UCK2: variants seen among roughly 807,000 people sequenced by gnomAD.
UCK2 encodes uridine-cytidine kinase 2, also known as cytidine monophosphokinase 2.
Under a neutral mutation model 30.8 loss-of-function variants are expected in UCK2, and 6 were observed. That is an observed-to-expected ratio of 0.19 (90% CI 0.11 to 0.38). The LOEUF (loss-of-function observed/expected upper bound fraction) is 0.38, where lower values mean the gene tolerates loss of function less well. Ranked by LOEUF, UCK2 falls within the 10% of genes least tolerant of loss-of-function variation. The pLI, the probability that UCK2 is intolerant of heterozygous loss-of-function variation, is 1.00. For missense variants in UCK2, 210 were observed against 339.8 expected (o/e 0.62, Z 3.00); for synonymous variants, 125 against 133.6 (o/e 0.94, Z 0.45).
At chr1:165,854,507 A>G (rs1465803893) in intron 1 of UCK2, among the ~76,000 whole-genome samples, 2 of 152,046 alleles carry the variant, frequency 1.3e-5, no homozygotes, top group Non-Finnish European at 2.9e-5. Context: ...CAGCCTGACC[A>G]GTGTAGTAGG....
At chr1:165,891,036 A>C (rs762308911) in intron 2 of UCK2, 190 bp from the exon 3 acceptor site, 23 of 567,654 alleles carry the variant, frequency 4.1e-5, no homozygotes, top group African/African-American at 5.7e-5. Flanking sequence ...GAACTCATTT[A>C]TACACCCTAT....
rs111693322 is a variant in UCK2, at chr1:165,830,525, C to G, written c.99+2593C>G. ...TATTTTCAGTAAACACGGAGTTTCA[C>G]TGTGTTAGCCAGGATGGTCTCAATC... On this transcript the variant is annotated intron_variant, in intron 1 of 6. Coordinates refer to ENST00000367879, the MANE Select transcript of UCK2 (RefSeq NM_012474.5). Among the ~76,000 whole-genome samples the G allele has an allele frequency of 1.2e-3, 178 of 151,488 alleles. 1 individual carries two copies. The highest frequency in any genetic ancestry group is 4.3e-3 in the African/African-American group (177 of 41,278).
At chr1:165,838,147 G>C (rs1654240509) in intron 1 of UCK2, among the ~76,000 whole-genome samples, 1 of 152,178 alleles carries the variant, frequency 6.6e-6, no homozygotes, top group Admixed American at 6.5e-5. Context: ...CCACTCCTTT[G>C]CTTCTACCCT....
intron 1 of UCK2, among the ~76,000 whole-genome samples, chr1:165,862,304 C>A (rs1367407401): frequency 2.0e-5 from 3 of 152,184 alleles, no homozygotes; most frequent in African/African-American, 7.2e-5. Context: ...AGCAAAGTTG[C>A]TCTTGGTAGG....
At chr1:165,896,894 C>G (rs1015747380) in intron 4 of UCK2, among the ~76,000 whole-genome samples, 1 of 152,246 alleles carries the variant, frequency 6.6e-6, no homozygotes, top group Admixed American at 6.5e-5. Context: ...TGCTAAGTCC[C>G]TGTGCTTGTG....
chr1:165,903,400 C>G (rs1354824079), intron 5 of UCK2, 121 bp downstream of exon 5: 1 of 817,784 alleles, frequency 1.2e-6, no homozygotes, highest in Non-Finnish European at 1.9e-6. Flanking sequence ...TCTGAGTGAT[C>G]CTCTGTCCTG....
At chr1:165,839,957 G>T (rs1409248804) in intron 1 of UCK2, among the ~76,000 whole-genome samples, 1 of 152,172 alleles carries the variant, frequency 6.6e-6, no homozygotes, top group Non-Finnish European at 1.5e-5. Context: ...ACAGAGTCCT[G>T]CTGTGCTGCC....
chr1:165,891,618 A>G (rs1483175984), intron 3 of UCK2: 2 of 324,942 alleles, frequency 6.2e-6, no homozygotes, highest in African/African-American at 4.2e-5. Context: ...TCTGATCCAC[A>G]TTCCAGTGCT....
At chr1:165,905,529 T>G (rs999807232) in intron 5 of UCK2, among the ~76,000 whole-genome samples, 1 of 152,036 alleles carries the variant, frequency 6.6e-6, no homozygotes, top group Non-Finnish European at 1.5e-5. Flanking sequence ...AAAGCTAAAT[T>G]CTTGTAATGT....
intron 1 of UCK2, among the ~76,000 whole-genome samples, chr1:165,877,626 A>C (rs887246004): frequency 2.6e-5 from 4 of 152,216 alleles, no homozygotes; most frequent in Admixed American, 6.5e-5. Flanking sequence ...GTAATAGTCC[A>C]TTGTATGGAT....
chr1:165,865,040 A>T (rs1399361996), intron 1 of UCK2, among the ~76,000 whole-genome samples: 2 of 152,108 alleles, frequency 1.3e-5, no homozygotes, highest in Non-Finnish European at 2.9e-5. Flanking sequence ...TGGTAACTTA[A>T]TGTATACTGA....
At chr1:165,837,123 A>G (rs1654214784) in intron 1 of UCK2, among the ~76,000 whole-genome samples, 2 of 152,164 alleles carry the variant, frequency 1.3e-5, no homozygotes, top group South Asian at 4.1e-4. Context: ...AACACCTCCC[A>G]TCAGGCCCCA....
Position 165,827,840 on chromosome 1 carries a change from G to A in UCK2, c.7G>A (p.Gly3Arg). 1 of 1,456,662 alleles carries A rather than the reference G, an allele frequency of 6.9e-7. No homozygotes were observed. The highest frequency in any genetic ancestry group is 9.1e-7 in the Non-Finnish European group (1 of 1,096,168). The allele number at this position is 1,456,662 out of a possible 1,614,324, so 90.2% of individuals were successfully genotyped here. The change falls in exon 1 of 7, where the codon GGG becomes AGG. Residue 3 changes from glycine (G) to arginine (R), a missense_variant. Around this residue, in one of 4 missense-constraint regions of UCK2, gnomAD observed 50 missense variants for 41.0 expected, o/e 1.22. Coordinates refer to ENST00000367879, the MANE Select transcript of UCK2 (RefSeq NM_012474.5). MAGDSEQTLQNHQ... is the reference protein window; with the variant it reads MARDSEQTLQNHQ... ...AGGAGGGGCGGCGCGAACCATGGCC[G>A]GGGACAGCGAGCAGACCCTGCAGAA... is the stretch of plus-strand genomic sequence containing the variant.
At chr1:165,874,317 C>T (rs1158636537) in intron 1 of UCK2, among the ~76,000 whole-genome samples, 2 of 152,116 alleles carry the variant, frequency 1.3e-5, no homozygotes, top group Non-Finnish European at 2.9e-5. Context: ...ATAGGGATGA[C>T]ACCATGTTTG....
At chr1:165,894,831 ACCT>A (rs1487652931) in intron 3 of UCK2, among the ~76,000 whole-genome samples, 21 of 151,864 alleles carry the variant, frequency 1.4e-4, no homozygotes, top group Admixed American at 1.4e-3. Context: ...GTTGATACTG[ACCT>A]CCTTATGTTT....
chr1:165,860,901 G>GT (rs750768344), intron 1 of UCK2, among the ~76,000 whole-genome samples: 25 of 152,178 alleles, frequency 1.6e-4, no homozygotes, highest in Non-Finnish European at 2.6e-4. Context: ...TTTACTGGGA[G>GT]TAAGTATAAT....
intron 1 of UCK2, among the ~76,000 whole-genome samples, chr1:165,853,489 C>T (rs1654650791): frequency 6.6e-6 from 1 of 151,702 alleles, no homozygotes; most frequent in African/African-American, 2.4e-5. Flanking sequence ...CTCACCCACC[C>T]CCGCTCCAAC....
At chr1:165,848,339 C>T (rs958002286) in intron 1 of UCK2, among the ~76,000 whole-genome samples, 1 of 152,088 alleles carries the variant, frequency 6.6e-6, no homozygotes, top group African/African-American at 2.4e-5. Context: ...CTTGAAGAAA[C>T]GTTGAGCTTT....
At chr1:165,866,390 G>C (rs974730217) in intron 1 of UCK2, among the ~76,000 whole-genome samples, 4 of 152,050 alleles carry the variant, frequency 2.6e-5, no homozygotes, top group African/African-American at 9.7e-5. Flanking sequence ...TGTAACTTAG[G>C]TTCATTGTAC....
Sources: gnomAD v4.1 joint callset for allele counts (sites outside exome capture counted in the v4.1 genomes callset) on GRCh38, gnomAD v4.1.1 for gene constraint, gnomAD v4.1.1 regional missense constraint, MANE v1.5 for transcripts, NCBI Gene and HGNC (gene_info 2026-07-23, HGNC 2026-07-21) for gene names.